PAG1: variants seen among roughly 807,000 people sequenced by gnomAD.
PAG1 encodes phosphoprotein associated with glycosphingolipid-enriched microdomains 1.
Under a neutral mutation model 31.7 loss-of-function variants are expected in PAG1, and 23 were observed. That is an observed-to-expected ratio of 0.73 (90% CI 0.52 to 1.03). The LOEUF is 1.03. Ranked by LOEUF, PAG1 falls within the 50% of genes least tolerant of loss-of-function variation. The pLI is 0.00. For synonymous variants in PAG1, 214 were observed against 210.3 expected (o/e 1.02, Z -0.15); for missense variants, 473 against 540.7 (o/e 0.87, Z 1.24).
At chr8:81,062,136 C>T (rs1020084448) in intron 2 of PAG1, among the ~76,000 whole-genome samples, 3 of 152,176 alleles carry the variant, frequency 2.0e-5, no homozygotes, top group African/African-American at 7.2e-5. Flanking sequence ...ATAAAAGCAC[C>T]CACACTCATC....
intron 2 of PAG1, among the ~76,000 whole-genome samples, chr8:81,041,610 T>C (rs1808556165): frequency 6.6e-6 from 1 of 152,222 alleles, no homozygotes; most frequent in African/African-American, 2.4e-5. Context: ...TTTTAAAAAG[T>C]AAACATATCA....
chr8:81,005,073 A>C (rs1807851891), intron 3 of PAG1, among the ~76,000 whole-genome samples: 1 of 152,222 alleles, frequency 6.6e-6, no homozygotes, highest in African/African-American at 2.4e-5. Flanking sequence ...TCAAAATCAC[A>C]CAGAACATAA....
intron 8 of PAG1, among the ~76,000 whole-genome samples, chr8:80,979,459 G>A (rs779087785): frequency 2.0e-5 from 3 of 152,188 alleles, no homozygotes; most frequent in Non-Finnish European, 4.4e-5. Flanking sequence ...AGGACAGTGA[G>A]GAAAAGGAAG....
chr8:80,980,090 G>A (rs1293017871), intron 8 of PAG1, among the ~76,000 whole-genome samples: 1 of 152,114 alleles, frequency 6.6e-6, no homozygotes, highest in African/African-American at 2.4e-5. Flanking sequence ...TCCAACCCAT[G>A]ATTCATTTCC....
At chr8:81,076,377 A>G (rs1010101248) in intron 1 of PAG1, among the ~76,000 whole-genome samples, 6 of 152,200 alleles carry the variant, frequency 3.9e-5, no homozygotes, top group Admixed American at 3.9e-4. Context: ...TGTGAGGGTG[A>G]CTAGATGGGC....
intron 7 of PAG1, 110 bp downstream of exon 7, chr8:80,984,666 C>G (rs767771236): frequency 9.4e-7 from 1 of 1,058,722 alleles, no homozygotes; most frequent in Non-Finnish European, 1.4e-6. Flanking sequence ...TCTCATCATT[C>G]AACAAACTGG....
chr8:80,987,470 A>G lies in PAG1; in HGVS notation c.178-4T>C. The stretch of plus-strand genomic sequence containing the variant: ...TGAACATCTCCTTGTCTGAAGGCTG[A>G]AAACAAAAACAAAAACAAAAACAAA... On this transcript the variant is annotated splice_polypyrimidine_tract_variant and splice_region_variant and intron_variant, in intron 5 of 8. Coordinates refer to ENST00000220597, the MANE Select transcript of PAG1 (RefSeq NM_018440.4). 2 of 1,519,794 alleles carry G rather than the reference A, an allele frequency of 1.3e-6. No homozygotes were observed. 94.1% of individuals were successfully genotyped at this position (1,519,794 alleles called of 1,614,324 possible).
At chr8:81,077,736 G>A (rs1228067716) in intron 1 of PAG1, among the ~76,000 whole-genome samples, 1 of 152,158 alleles carries the variant, frequency 6.6e-6, no homozygotes, top group Non-Finnish European at 1.5e-5. Context: ...AATCAATAAT[G>A]CAAGATGTGG....
At chr8:81,007,636 CA>C (rs58612249) in intron 3 of PAG1, among the ~76,000 whole-genome samples, 1,810 of 49,600 alleles carry the variant, frequency 0.036, 7 homozygotes, top group African/African-American at 0.14. Context: ...GACTCTGTCT[CA>C]AAAAAAAAAA....
intron 3 of PAG1, among the ~76,000 whole-genome samples, chr8:81,000,328 A>G (rs1807762298): frequency 6.6e-6 from 1 of 152,196 alleles, no homozygotes; most frequent in Non-Finnish European, 1.5e-5. Flanking sequence ...AGTTTAATTC[A>G]TAATTTATAC....
At chr8:81,028,033 C>T (rs1808314865) in intron 3 of PAG1, among the ~76,000 whole-genome samples, 1 of 152,176 alleles carries the variant, frequency 6.6e-6, no homozygotes, top group South Asian at 2.1e-4. Context: ...GCAGGCTCTC[C>T]CACTCTCTAG....
chr8:81,099,379 A>C (rs1809575561), intron 1 of PAG1, among the ~76,000 whole-genome samples: 1 of 152,202 alleles, frequency 6.6e-6, no homozygotes, highest in Admixed American at 6.5e-5. Flanking sequence ...GGGGGTGACC[A>C]CCATTGAAAC....
At chr8:81,076,522 T>C (rs973601291) in intron 1 of PAG1, among the ~76,000 whole-genome samples, 2 of 152,190 alleles carry the variant, frequency 1.3e-5, no homozygotes, top group African/African-American at 4.8e-5. Context: ...TGATAAAATA[T>C]TTCTTTTTAA....
chr8:81,056,957 A>C (rs1332652778), intron 2 of PAG1, among the ~76,000 whole-genome samples: 1 of 152,252 alleles, frequency 6.6e-6, no homozygotes, highest in Non-Finnish European at 1.5e-5. Flanking sequence ...CAGCCAACAG[A>C]CACATGAAAA....
At chr8:81,086,138 C>T (rs576891939) in intron 1 of PAG1, among the ~76,000 whole-genome samples, 16 of 150,688 alleles carry the variant, frequency 1.1e-4, no homozygotes, top group Non-Finnish European at 1.6e-4. Flanking sequence ...CCCGCTACCA[C>T]GCCCGGCTAA....
At position 80,972,957 on chromosome 8, in the gene PAG1, G is replaced by A. The variant is rs1019596988; in HGVS notation, c.*3587C>T. 9.2e-5 allele frequency: 14 copies of A among 151,916 alleles called. No individual in the cohort carries two copies. The highest frequency in any genetic ancestry group is 7.9e-4 in the Admixed American group (12 of 15,270). The allele number at this position is 151,916 out of a possible 1,614,324, so 9.4% of individuals were successfully genotyped here. A position where few individuals can be genotyped will look rare whatever the true frequency, so the allele number is the denominator to read the frequency against. On this transcript the variant is annotated 3_prime_UTR_variant, in exon 9 of 9. Coordinates refer to ENST00000220597, the MANE Select transcript of PAG1 (RefSeq NM_018440.4). Reference sequence around the variant, plus strand: ...CACGTATACGTGTGTGTGTGTGTGTGTGTGTGTGTAGTTTATTACTGGTTA... The same window carrying A: ...CACGTATACGTGTGTGTGTGTGTGTATGTGTGTGTAGTTTATTACTGGTTA...
intron 1 of PAG1, among the ~76,000 whole-genome samples, chr8:81,090,637 G>A (rs7007992): frequency 0.15 from 22,700 of 152,178 alleles, 5,006 homozygotes; most frequent in African/African-American, 0.48. Flanking sequence ...AGATTAGGTT[G>A]AGGTGGTTGG....
Position 81,034,858 on chromosome 8 carries a change from G to T in PAG1, c.-174-4769C>A, listed in dbSNP as rs2623022. On this transcript the variant is annotated intron_variant, in intron 2 of 8. Transcript: ENST00000220597. ...ATGTACCACCTGCCATAACTCAAAA[G>T]AACACAAAGGCTGCCAGGAGAAGGG... 7.2e-5 allele frequency among the ~76,000 whole-genome samples: 11 copies of T among 152,258 alleles called. No homozygotes were observed. The South Asian group carries it at 1.2e-3, about 17-fold the overall frequency.
chr8:80,985,421 C>T, intron 6 of PAG1, 44 bp from the exon 7 acceptor site: 6 of 1,544,956 alleles, frequency 3.9e-6, no homozygotes, highest in Non-Finnish European at 5.2e-6. Flanking sequence ...GCAAGTCTTT[C>T]AATAATTATT....
Sources: allele counts gnomAD v4.1 joint callset (sites outside exome capture counted in the v4.1 genomes callset), GRCh38; gene constraint gnomAD v4.1.1; transcripts MANE v1.5; gene names NCBI Gene and HGNC (gene_info 2026-07-23, HGNC 2026-07-21).